DDX46: variants seen among roughly 807,000 people sequenced by gnomAD.
DDX46 encodes the protein probable ATP-dependent RNA helicase DDX46.
DDX46 carries 30 observed loss-of-function variants against 134.9 expected under a neutral mutation model. The observed-to-expected ratio is 0.22, with a 90% CI of 0.17 to 0.30. The LOEUF is 0.30. DDX46 is among the 10% of genes least tolerant of loss of function. DDX46 has a pLI of 1.00. For missense variants in DDX46, 622 were observed against 1,248.7 expected (o/e 0.50, Z 7.56); for synonymous variants, 415 against 404.1 (o/e 1.03, Z -0.32).
chr5:134,776,077 G>A (rs747955224), intron 5 of DDX46, among the ~76,000 whole-genome samples: 4 of 152,136 alleles, frequency 2.6e-5, no homozygotes, highest in Non-Finnish European at 5.9e-5. Context: ...AATATGGTAA[G>A]CGGGAGAAAA....
intron 6 of DDX46, chr5:134,777,997 C>T: frequency 3.8e-6 from 1 of 262,242 alleles, no homozygotes; most frequent in Non-Finnish European, 7.0e-6. Flanking sequence ...GGAGACTTCT[C>T]TAGCACTCCT....
At chr5:134,795,710 A>G (rs754869419) in intron 14 of DDX46, among the ~76,000 whole-genome samples, 2 of 152,164 alleles carry the variant, frequency 1.3e-5, no homozygotes, top group African/African-American at 2.4e-5. Flanking sequence ...CTACAAAGGA[A>G]AAAGAAATGT....
At chr5:134,797,969 T>C (rs1420897319) in intron 15 of DDX46, among the ~76,000 whole-genome samples, 1 of 152,058 alleles carries the variant, frequency 6.6e-6, no homozygotes, top group African/African-American at 2.4e-5. Context: ...TGCACCACCA[T>C]GCCTGGCTAA....
At position 134,811,270 on chromosome 5, in the gene DDX46, A is replaced by T; in HGVS notation, c.2198A>T (p.Asp733Val). 3 of 1,614,100 alleles carry T rather than the reference A, an allele frequency of 1.9e-6. No homozygotes were observed. Among genetic ancestry groups the T allele is most frequent in the Non-Finnish European group, 2.5e-6 (3 of 1,179,978 alleles). The change falls in exon 17 of 23, where the codon GAC (aspartate) becomes GTC (valine). Residue 733 changes from aspartate (D) to valine (V), a missense_variant. Transcript: ENST00000452510. ...ITEDQARYAG[D>V]IIKALELSGT... is the part of the protein sequence containing the mutation. The stretch of plus-strand genomic sequence containing the variant: ...GAGGATCAAGCTCGCTATGCTGGTG[A>T]CATAATTAAAGCTCTTGAATTGTCA...
intron 10 of DDX46, among the ~76,000 whole-genome samples, 176 bp from the exon 11 acceptor site, chr5:134,785,289 A>G (rs1754297682): frequency 6.6e-6 from 1 of 152,170 alleles, no homozygotes; most frequent in African/African-American, 2.4e-5. Flanking sequence ...GCTTATATTT[A>G]TCCTTCCCCA....
intron 15 of DDX46, among the ~76,000 whole-genome samples, chr5:134,802,053 T>G: frequency 6.6e-6 from 1 of 152,142 alleles, no homozygotes; most frequent in East Asian, 1.9e-4. Flanking sequence ...CTTTGGGACT[T>G]CAGTTATGTA....
At chr5:134,805,656 G>A (rs993844129) in intron 15 of DDX46, among the ~76,000 whole-genome samples, 2 of 151,674 alleles carry the variant, frequency 1.3e-5, no homozygotes, top group South Asian at 2.1e-4. Flanking sequence ...AGCCTTCTGA[G>A]TAGCTGGGAT....
Position 134,811,305 on chromosome 5 carries a change from G to A in DDX46, c.2233G>A (p.Val745Ile), listed in dbSNP as rs1308322560. The A allele has an allele frequency of 6.2e-7, 1 of 1,613,958 alleles. No homozygotes were observed. The highest frequency in any genetic ancestry group is 8.5e-7 in the Non-Finnish European group (1 of 1,179,996). ...IKALELSGTA[V>I]PPDLEKLWSD... ...AGCTCTTGAATTGTCAGGGACTGCA[G>A]TACCTCCTGATTTAGAGAAACTGTG... Residue 745 changes from valine (V) to isoleucine (I), a missense_variant, in exon 17 of 23, where the codon GTA becomes ATA. This residue lies in a region of DDX46 where 209 missense variants were observed against 508.4 expected (regional missense o/e 0.41). Transcript: ENST00000452510.
intron 13 of DDX46, among the ~76,000 whole-genome samples, chr5:134,792,699 T>C (rs1020958038): frequency 6.6e-6 from 1 of 152,192 alleles, no homozygotes; most frequent in African/African-American, 2.4e-5. Flanking sequence ...TTGCCATAAA[T>C]ACATACAGGT....
intron 11 of DDX46, among the ~76,000 whole-genome samples, chr5:134,787,884 A>T (rs538138583): frequency 1.3e-3 from 183 of 142,668 alleles, no homozygotes; most frequent in African/African-American, 4.6e-3. Flanking sequence ...GTAGTCCTAG[A>T]TACTGGGAGG....
Position 134,771,679 on chromosome 5 carries a change from G to T in DDX46, c.447+680G>T, listed in dbSNP as rs922135748. On this transcript the variant is annotated intron_variant, in intron 4 of 22. Transcript: ENST00000452510. ...ATTGGGCCACTGTACTCCAGCCTGG[G>T]TGACAGAGCAAGACTCTGTCTCAAA... Among the ~76,000 whole-genome samples, 8 of 151,796 alleles carry T rather than the reference G, an allele frequency of 5.3e-5. No individual in the cohort carries two copies. In the East Asian group the frequency reaches 1.6e-3, roughly 30 times the overall value.
rs1179007585 is a variant in DDX46, at chr5:134,795,991, G to C, written c.1795G>C (p.Val599Leu). ...VCSDVEQQVI[V>L]IEEEKKFLKL... ...TGATACAATATGGTGTTTTCAGATT[G>C]TGATTGAAGAAGAAAAGAAATTCTT... is the stretch of plus-strand genomic sequence containing the variant. The change falls in exon 15 of 23, where the codon GTG (valine) becomes CTG (leucine). Residue 599 changes from valine (V) to leucine (L), a missense_variant. Physicochemically the swap from Val to Leu is conservative, Grantham distance 32. Transcript: ENST00000452510. The C allele has an allele frequency of 6.2e-7, 1 of 1,612,586 alleles. No homozygotes were observed. Among genetic ancestry groups the C allele is most frequent in the East Asian group, 2.2e-5 (1 of 44,810 alleles).
At chr5:134,801,953 T>G (rs1203428856) in intron 15 of DDX46, among the ~76,000 whole-genome samples, 2 of 152,186 alleles carry the variant, frequency 1.3e-5, no homozygotes. Context: ...TTATTCTGTG[T>G]GGGGTTCATT....
chr5:134,814,063 G>A (rs1755221918), intron 18 of DDX46, among the ~76,000 whole-genome samples: 1 of 152,150 alleles, frequency 6.6e-6, no homozygotes, highest in South Asian at 2.1e-4. Flanking sequence ...TGTGGTTTTA[G>A]TTGCCATAGG....
At chr5:134,769,799 G>A (rs1262350055) in intron 3 of DDX46, among the ~76,000 whole-genome samples, 1 of 151,858 alleles carries the variant, frequency 6.6e-6, no homozygotes, top group African/African-American at 2.4e-5. Context: ...CACCTGCCTC[G>A]GCCTCACAGA....
chr5:134,821,488 A>G lies in DDX46; in HGVS notation c.2977+2484A>G, dbSNP rs1264393807. On this transcript the variant is annotated intron_variant, in intron 21 of 22. Transcript: ENST00000452510. Reference sequence around the variant, plus strand: ...CACTGTGCCCCACCGTGTTAAAGCAATATTTTCTTGTGTGCCATTTTGATT... The same window carrying G: ...CACTGTGCCCCACCGTGTTAAAGCAGTATTTTCTTGTGTGCCATTTTGATT... 2.7e-5 allele frequency among the ~76,000 whole-genome samples: 4 copies of G among 147,674 alleles called. No homozygotes were observed. In the East Asian group the frequency reaches 8.2e-4, roughly 30 times the overall value.
rs758878906 is a variant in DDX46 at position 134,828,656 on chromosome 5, C to T, written c.3052-3C>T. On this transcript the variant is annotated splice_polypyrimidine_tract_variant and splice_region_variant and intron_variant, in intron 22 of 22. Coordinates refer to ENST00000452510, the MANE Select transcript of DDX46 (RefSeq NM_001300860.2). ...ATGACATATCTTTTATTTCCTATTA[C>T]AGCAAAATTCATACCAACCAACAAA... 4 of 1,479,294 alleles carry T rather than the reference C, an allele frequency of 2.7e-6. No individual in the cohort carries two copies. The highest frequency in any genetic ancestry group is 2.4e-5 in the Admixed American group (1 of 41,610). The allele number at this position is 1,479,294 out of a possible 1,614,324, so 91.6% of individuals were successfully genotyped here. A position where few individuals can be genotyped will look rare whatever the true frequency, so the allele number is the denominator to read the frequency against.
chr5:134,770,199 ATTTTTTTTTT>A (rs368105956), intron 3 of DDX46, among the ~76,000 whole-genome samples: 1 of 129,804 alleles, frequency 7.7e-6, no homozygotes, highest in Non-Finnish European at 1.6e-5. Context: ...GCCTGACCAA[ATTTTTTTTTT>A]TTTTTTTTTT....
intron 21 of DDX46, 95 bp downstream of exon 21, chr5:134,819,099 G>A: frequency 7.5e-7 from 1 of 1,342,162 alleles, no homozygotes; most frequent in Non-Finnish European, 9.8e-7. Flanking sequence ...ATTCTAGAGA[G>A]AACTGAAAGT....
Sources: allele counts gnomAD v4.1 joint callset (sites outside exome capture counted in the v4.1 genomes callset), GRCh38; gene constraint gnomAD v4.1.1; regional missense constraint gnomAD v4.1.1; transcripts MANE v1.5; gene names NCBI Gene and HGNC (gene_info 2026-07-23, HGNC 2026-07-21).